EPB41L4A: variants seen among roughly 807,000 people sequenced by gnomAD.
EPB41L4A encodes erythrocyte membrane protein band 4.1 like 4A.
Under a neutral mutation model 108.6 loss-of-function variants are expected in EPB41L4A, and 100 were observed. The observed-to-expected ratio is 0.92, with a 90% confidence interval of 0.78 to 1.09. The LOEUF is 1.09. EPB41L4A is among the 50% of genes least tolerant of loss of function. EPB41L4A has a pLI of 0.00. For missense variants in EPB41L4A, 1,030 were observed against 842.7 expected (o/e 1.22, Z -2.75); for synonymous variants, 319 against 289.0 (o/e 1.10, Z -1.05).
rs1753071937 is a variant in EPB41L4A, at chr5:112,283,180, CTCAG to C, written c.205-2861_205-2858del. On this transcript the variant is annotated intron_variant, in intron 2 of 22. Coordinates refer to ENST00000261486, the MANE Select transcript of EPB41L4A (RefSeq NM_022140.5). ...GCAGCACGAAGCAGCAGCAGCAAGA[CTCAG>C]TCAAAGGCTATTCAATCAACTCACT... is the stretch of plus-strand genomic sequence containing the variant. Among the ~76,000 whole-genome samples, 3 of 152,158 alleles carry C rather than the reference CTCAG, an allele frequency of 2.0e-5. No homozygotes were observed. In the South Asian group the frequency reaches 6.2e-4, roughly 32 times the overall value.
At chr5:112,225,021 A>C (rs1214170467) in intron 12 of EPB41L4A, among the ~76,000 whole-genome samples, 1 of 152,228 alleles carries the variant, frequency 6.6e-6, no homozygotes, top group Non-Finnish European at 1.5e-5. Flanking sequence ...ATACCCGTCA[A>C]AGGCCGGATA....
At chr5:112,240,033 C>A (rs182838682) in intron 10 of EPB41L4A, among the ~76,000 whole-genome samples, 23 of 152,310 alleles carry the variant, frequency 1.5e-4, no homozygotes, top group Non-Finnish European at 2.4e-4. Context: ...ATCCAAAGGT[C>A]ATTTCTCTAG....
At chr5:112,388,434 T>C (rs1014471322) in intron 1 of EPB41L4A, among the ~76,000 whole-genome samples, 2 of 152,198 alleles carry the variant, frequency 1.3e-5, no homozygotes, top group African/African-American at 4.8e-5. Context: ...GGTTTTTAAC[T>C]TTATCCAAAC....
rs60155561 is a variant in EPB41L4A at position 112,369,087 on chromosome 5, T to C, written c.99+49854A>G. ...AGATGGCTGTTTGGTTTCCATAGTA[T>C]TATCGGCTCAACACAAAGGTCCCTT... On this transcript the variant is annotated intron_variant, in intron 1 of 22. Transcript: ENST00000261486. Among the ~76,000 whole-genome samples the C allele has an allele frequency of 2.4e-3, 371 of 152,328 alleles. 2 individuals are homozygous for C. The highest frequency in any genetic ancestry group is 8.7e-3 in the African/African-American group (363 of 41,562).
chr5:112,371,607 GACAA>G (rs1340674461), intron 1 of EPB41L4A, among the ~76,000 whole-genome samples: 1 of 152,116 alleles, frequency 6.6e-6, no homozygotes, highest in Non-Finnish European at 1.5e-5. Context: ...AATGTCCAAG[GACAA>G]ACAGTTTGAC....
upstream of EPB41L4A, chr5:112,419,658 A>T (rs1336805675): frequency 2.2e-6 from 1 of 456,480 alleles, no homozygotes; most frequent in East Asian, 7.0e-5. Flanking sequence ...CCATGGGCGC[A>T]GGGGCAGAGG....
At chr5:112,351,653 C>T (rs1052824936) in intron 1 of EPB41L4A, among the ~76,000 whole-genome samples, 1 of 151,978 alleles carries the variant, frequency 6.6e-6, no homozygotes, top group African/African-American at 2.4e-5. Flanking sequence ...CAGACAAGGA[C>T]CCAGCAACAA....
Position 112,418,947 on chromosome 5 carries a change from G to T in EPB41L4A, c.93C>A (p.Gly31=). The T allele has an allele frequency of 6.2e-7, 1 of 1,612,840 alleles. No homozygotes were observed. The highest frequency in any genetic ancestry group is 1.1e-5 in the South Asian group (1 of 90,972). ...SKLTLTTQQQ[G]IKKSTKGSVV... ...CGCTCCGGGCCGCACCCACCTTGAT[G>T]CCCTGCTGCTGGGTGGTAAGGGTTA... The change falls in exon 1 of 23, where the codon GGC becomes GGA. Residue 31 remains glycine, a synonymous_variant. Coordinates refer to ENST00000261486, the MANE Select transcript of EPB41L4A (RefSeq NM_022140.5).
downstream of EPB41L4A, chr5:112,161,235 G>C (rs367573777): frequency 4.2e-5 from 12 of 283,796 alleles, no homozygotes; most frequent in Non-Finnish European, 7.8e-5. Context: ...TAAAAGCAGC[G>C]TGCCTGGTTA....
intron 1 of EPB41L4A, among the ~76,000 whole-genome samples, chr5:112,383,670 A>G (rs1760310268): frequency 6.6e-6 from 1 of 152,214 alleles, no homozygotes; most frequent in Admixed American, 6.5e-5. Flanking sequence ...CAAATCAAAG[A>G]ATAAAAGCTT....
intron 12 of EPB41L4A, among the ~76,000 whole-genome samples, chr5:112,154,005 C>G (rs1759564056): frequency 6.6e-6 from 1 of 152,100 alleles, no homozygotes; most frequent in Non-Finnish European, 1.5e-5. Context: ...AGATATGTAG[C>G]TGGCACACAC....
intron 12 of EPB41L4A, among the ~76,000 whole-genome samples, chr5:112,212,312 A>C (rs963032546): frequency 7.5e-5 from 11 of 146,786 alleles, no homozygotes; most frequent in Non-Finnish European, 1.3e-4. Context: ...TTTTCTCCTG[A>C]GACAGAGTCT....
rs1355618254 is a variant in EPB41L4A at position 112,200,928 on chromosome 5, A to T, written c.1376+3447T>A. ...AATAGGAAATTTTGACATCTATTGCAAAGTGTATTATCCTGGTATCCAAAG... is the reference window on the plus strand; with the variant it reads ...AATAGGAAATTTTGACATCTATTGCTAAGTGTATTATCCTGGTATCCAAAG... On this transcript the variant is annotated intron_variant, in intron 15 of 22. Coordinates refer to ENST00000261486, the MANE Select transcript of EPB41L4A (RefSeq NM_022140.5). Among the ~76,000 whole-genome samples, 3 of 152,230 alleles carry T rather than the reference A, an allele frequency of 2.0e-5. No homozygotes were observed. The East Asian group carries it at 5.8e-4, about 29-fold the overall frequency.
chr5:112,346,215 C>CTTTTTTTTT lies in EPB41L4A; in HGVS notation c.100-38726_100-38725insAAAAAAAAA, dbSNP rs1479210695. Among the ~76,000 whole-genome samples, 109 of 49,030 alleles carry CTTTTTTTTT rather than the reference C, an allele frequency of 2.2e-3. 3 individuals carry two copies. Among genetic ancestry groups the CTTTTTTTTT allele is most frequent in the Admixed American group, 4.5e-3 (14 of 3,126 alleles). 32.2% of individuals were successfully genotyped at this position (49,030 alleles called of 152,430 possible). ...AAATTCTTTAAAGTTAGGTACATTG[C>CTTTTTTTTT]ATTTTTTTTTTTTTTTTTTTTTTTT... is the stretch of plus-strand genomic sequence containing the variant. On this transcript the variant is annotated intron_variant, in intron 1 of 22. Transcript: ENST00000261486.
intron 16 of EPB41L4A, among the ~76,000 whole-genome samples, chr5:112,195,081 G>T (rs1048740182): frequency 3.3e-5 from 5 of 152,094 alleles, no homozygotes; most frequent in Admixed American, 2.6e-4. Context: ...TTTACCAATA[G>T]AATGAGGTGG....
At chr5:112,330,861 G>A (rs1756518250) in intron 1 of EPB41L4A, among the ~76,000 whole-genome samples, 1 of 152,082 alleles carries the variant, frequency 6.6e-6, no homozygotes, top group Non-Finnish European at 1.5e-5. Context: ...ATTACCTTCG[G>A]AGACAGCAGT....
chr5:112,315,113 T>A (rs140846311), intron 1 of EPB41L4A, among the ~76,000 whole-genome samples: 24 of 152,294 alleles, frequency 1.6e-4, no homozygotes, highest in Admixed American at 3.3e-4. Context: ...TCTTTCCTGC[T>A]CTATGTCATG....
intron 1 of EPB41L4A, among the ~76,000 whole-genome samples, chr5:112,388,459 G>A (rs1209822636): frequency 6.6e-6 from 1 of 152,148 alleles, no homozygotes; most frequent in African/African-American, 2.4e-5. Context: ...ACCCCACCCA[G>A]ATCACCTTCA....
intron 12 of EPB41L4A, among the ~76,000 whole-genome samples, chr5:112,149,933 G>A (rs1759403651): frequency 6.6e-6 from 1 of 152,152 alleles, no homozygotes; most frequent in African/African-American, 2.4e-5. Flanking sequence ...TGCAAAATGT[G>A]ATAGGATTAT....
Sources: gnomAD v4.1 joint callset for allele counts (sites outside exome capture counted in the v4.1 genomes callset) on GRCh38, gnomAD v4.1.1 for gene constraint, MANE v1.5 for transcripts, NCBI Gene and HGNC (gene_info 2026-07-23, HGNC 2026-07-21) for gene names.